LTBP1: variants seen among roughly 807,000 people sequenced by gnomAD.
LTBP1 encodes the protein latent transforming growth factor beta binding protein 1, also known as latent-transforming growth factor beta-binding protein 1.
LTBP1 carries 129 observed loss-of-function variants against 207.6 expected under a neutral mutation model. The ratio of observed to expected loss-of-function variants is 0.62; its 90% CI spans 0.54 to 0.72. The LOEUF is 0.72. Among genes scored for constraint, LTBP1 ranks in the 30% least tolerant of loss-of-function variants. The pLI is 0.00. For missense variants in LTBP1, 2,281 were observed against 2,217.2 expected (o/e 1.03, Z -0.58); for synonymous variants, 963 against 833.7 (o/e 1.16, Z -2.67).
At chr2:33,355,145 C>A (rs1288053953) in intron 26 of LTBP1, among the ~76,000 whole-genome samples, 5 of 152,086 alleles carry the variant, frequency 3.3e-5, no homozygotes, top group Middle Eastern at 6.8e-3. Flanking sequence ...CCTCGCAGGC[C>A]CTCATGACGC....
Position 33,343,947 on chromosome 2 carries a change from C to A in LTBP1, c.3856+984C>A, listed in dbSNP as rs544185732. The stretch of plus-strand genomic sequence containing the variant: ...TATAGATAGCAAGACTTTTCTTTTT[C>A]TTTATTCTTAGAGAAAAATAGCCAT... On this transcript the variant is annotated intron_variant, in intron 25 of 33. Coordinates refer to ENST00000404816, the MANE Select transcript of LTBP1 (RefSeq NM_206943.4). Among the ~76,000 whole-genome samples the A allele has an allele frequency of 3.9e-5, 6 of 152,188 alleles. No individual in the cohort carries two copies. In the South Asian group the frequency reaches 1.2e-3, roughly 32 times the overall value.
At chr2:33,280,309 T>A (rs1281562250) in intron 19 of LTBP1, 151 bp downstream of exon 19, 3 of 738,980 alleles carry the variant, frequency 4.1e-6, no homozygotes, top group African/African-American at 1.8e-5. Flanking sequence ...CTTTTAACCA[T>A]TGAGAAAATA....
intron 18 of LTBP1, among the ~76,000 whole-genome samples, chr2:33,277,815 T>TCTTTCTCTCTC (rs1558933866): frequency 9.1e-4 from 78 of 86,018 alleles, no homozygotes; most frequent in Non-Finnish European, 1.5e-3. Context: ...CTTTCTTTTT[T>TCTTTCTCTCTC]TCTTTCTTTC....
intron 7 of LTBP1, among the ~76,000 whole-genome samples, chr2:33,191,294 C>T (rs1357444286): frequency 6.6e-6 from 1 of 152,140 alleles, no homozygotes; most frequent in Non-Finnish European, 1.5e-5. Context: ...AATGAATTGG[C>T]TAATTGATGG....
rs1446681503 is a variant in LTBP1 at position 33,188,865 on chromosome 2, C to T, written c.1701+14C>T. ...ATTGGGTCACAGGTAAACATCATCA[C>T]CGAGCCTGCTTTAGCAGTGTCTTAC... On this transcript the variant is annotated intron_variant, in intron 7 of 33. Transcript: ENST00000404816. 1 of 1,612,638 alleles carries T rather than the reference C, an allele frequency of 6.2e-7. No individual in the cohort carries two copies. The highest frequency in any genetic ancestry group is 1.3e-5 in the African/African-American group (1 of 74,920).
chr2:33,314,266 T>C (rs918056805), intron 23 of LTBP1, among the ~76,000 whole-genome samples: 1 of 152,152 alleles, frequency 6.6e-6, no homozygotes, highest in African/African-American at 2.4e-5. Flanking sequence ...AAAGTCCTTC[T>C]CAGCCAAGCA....
intron 20 of LTBP1, among the ~76,000 whole-genome samples, chr2:33,298,757 A>G (rs75642595): frequency 0.023 from 3,500 of 152,316 alleles, 143 homozygotes; most frequent in African/African-American, 0.079. Context: ...CAAGAACACA[A>G]TTGGTAAAAC....
chr2:33,234,754 G>A (rs754335015), intron 9 of LTBP1, among the ~76,000 whole-genome samples: 5 of 151,946 alleles, frequency 3.3e-5, no homozygotes, highest in Admixed American at 1.3e-4. Flanking sequence ...AAAAGAGCCC[G>A]TATAACCAAG....
chr2:33,062,622 C>G (rs1311850670), intron 3 of LTBP1, among the ~76,000 whole-genome samples: 1 of 152,100 alleles, frequency 6.6e-6, no homozygotes, highest in Non-Finnish European at 1.5e-5. Flanking sequence ...ATATGTGAGT[C>G]TATTTGGGAG....
chr2:33,330,790 C>G (rs2094484237), intron 24 of LTBP1, among the ~76,000 whole-genome samples: 2 of 139,018 alleles, frequency 1.4e-5, no homozygotes, highest in Non-Finnish European at 3.1e-5. Context: ...TTCTTCCGGA[C>G]TCAGGTTTTC....
intron 2 of LTBP1, among the ~76,000 whole-genome samples, chr2:32,962,764 A>T (rs1679327676): frequency 6.6e-6 from 1 of 152,252 alleles, no homozygotes; most frequent in African/African-American, 2.4e-5. Context: ...ACAGACACTT[A>T]GCCTCGTGGC....
intron 5 of LTBP1, among the ~76,000 whole-genome samples, chr2:33,137,692 G>A (rs560720386): frequency 1.5e-3 from 222 of 144,084 alleles, no homozygotes; most frequent in African/African-American, 5.6e-3. Context: ...GTGATTTACA[G>A]TTTTTGTTTG....
At position 33,389,188 on chromosome 2, in the gene LTBP1, C is replaced by T; in HGVS notation, c.4716C>T (p.Asp1572=). 1 of 1,614,132 alleles carries T rather than the reference C, an allele frequency of 6.2e-7. No homozygotes were observed. Among genetic ancestry groups the T allele is most frequent in the Non-Finnish European group, 8.5e-7 (1 of 1,180,018 alleles). Residue 1572 remains aspartate (D), a synonymous_variant, in exon 32 of 34, where the codon GAC becomes GAT. Coordinates refer to ENST00000404816, the MANE Select transcript of LTBP1 (RefSeq NM_206943.4). ...TGCTGCTTGTCTACTCCTTAGATGACTATGCTCAGCTGTGTAACATCCCCG... is the reference window on the plus strand; with the variant it reads ...TGCTGCTTGTCTACTCCTTAGATGATTATGCTCAGCTGTGTAACATCCCCG... ...CALCPLKDSD[D]YAQLCNIPVT...
At chr2:33,022,619 G>A (rs2075230990) in intron 3 of LTBP1, among the ~76,000 whole-genome samples, 1 of 152,196 alleles carries the variant, frequency 6.6e-6, no homozygotes, top group Admixed American at 6.5e-5. Flanking sequence ...GTTACTAAGT[G>A]ACAGTATTAC....
intron 31 of LTBP1, among the ~76,000 whole-genome samples, chr2:33,372,430 A>T (rs1300238163): frequency 6.6e-6 from 1 of 152,252 alleles, no homozygotes; most frequent in African/African-American, 2.4e-5. Flanking sequence ...AGCCACAGAC[A>T]CATTGGCAGG....
intron 7 of LTBP1, among the ~76,000 whole-genome samples, chr2:33,217,272 A>G (rs1345047186): frequency 1.3e-5 from 2 of 152,220 alleles, no homozygotes; most frequent in East Asian, 1.9e-4. Flanking sequence ...AAAAAAAGGC[A>G]TTGGAAATTT....
intron 20 of LTBP1, among the ~76,000 whole-genome samples, chr2:33,294,204 G>A (rs1340017772): frequency 1.3e-5 from 2 of 149,340 alleles, no homozygotes; most frequent in African/African-American, 2.5e-5. Context: ...CTTTGTTTTG[G>A]GTGTTTTTTT....
At chr2:33,253,455 A>G (rs1158246780) in intron 11 of LTBP1, among the ~76,000 whole-genome samples, 2 of 152,128 alleles carry the variant, frequency 1.3e-5, no homozygotes, top group Non-Finnish European at 2.9e-5. Context: ...TATCTCTTTA[A>G]ATACCTTCTA....
chr2:33,110,299 C>T (rs1202759186), intron 3 of LTBP1, among the ~76,000 whole-genome samples: 2 of 152,186 alleles, frequency 1.3e-5, no homozygotes, highest in African/African-American at 4.8e-5. Context: ...GGCAGTTGTG[C>T]TCTGAATCCT....
Sources: allele counts gnomAD v4.1 joint callset (sites outside exome capture counted in the v4.1 genomes callset), GRCh38; gene constraint gnomAD v4.1.1; transcripts MANE v1.5; gene names NCBI Gene and HGNC (gene_info 2026-07-23, HGNC 2026-07-21).